The following CHRM1 variants were observed in gnomAD, a reference collection of about 807,000 sequenced individuals.
The protein encoded by CHRM1 is muscarinic acetylcholine receptor M1.
A neutral mutation model predicts 31.6 loss-of-function variants in CHRM1; 5 were observed. That is an observed-to-expected ratio of 0.16 (90% CI 0.08 to 0.33). The LOEUF (loss-of-function observed/expected upper bound fraction) is 0.33. CHRM1 is among the 10% of genes least tolerant of loss of function. The probability of loss-of-function intolerance (pLI) is 1.00; values close to 1 mark genes in which losing one functional copy is unlikely to be tolerated. For missense variants in CHRM1, 338 were observed against 610.3 expected, an observed-to-expected ratio of 0.55 and a Z score of 4.70; for synonymous variants, 227 against 249.7, an observed-to-expected ratio of 0.91 and a Z score of 0.86.
intron 1 of CHRM1, chr11:62,916,939 C>T (rs908368869): frequency 5.9e-5 from 9 of 152,218 alleles, no homozygotes; most frequent in African/African-American, 2.2e-4. Flanking sequence ...ATTCTTGCCA[C>T]CGTCTAGATC....
At position 62,910,148 on chromosome 11, in the gene CHRM1, G is replaced by A; in HGVS notation, c.953C>T (p.Pro318Leu). 6.2e-7 allele frequency: 1 copy of A among 1,606,874 alleles called. No individual in the cohort carries two copies. Among genetic ancestry groups the A allele is most frequent in the Non-Finnish European group, 8.5e-7 (1 of 1,176,514 alleles). The change falls in exon 2 of 2, where the codon CCC becomes CTC. Residue 318 changes from proline (P) to leucine (L), a missense_variant. Physicochemically the swap from Pro to Leu is moderately conservative, Grantham distance 98. Coordinates refer to ENST00000306960, the MANE Select transcript of CHRM1 (RefSeq NM_000738.3). The surrounding 1 kb of genome is among the most constrained non-coding windows in gnomAD (Gnocchi z 8.7). Reference protein sequence around the residue: ...DPEAQAPTKQPPRSSPNTVKR... With the variant: ...DPEAQAPTKQLPRSSPNTVKR... ...GACTGTATTTGGGGAGCTCCGTGGG[G>A]GCTGCTTGGTGGGGGCCTGTGCCTC...
At chr11:62,911,968 G>T (rs2085873326) in intron 1 of CHRM1, among the ~76,000 whole-genome samples, 2 of 152,090 alleles carry the variant, frequency 1.3e-5, no homozygotes, top group African/African-American at 2.4e-5. Flanking sequence ...TTCTGCGCAT[G>T]CGGGTTTACA....
intron 1 of CHRM1, among the ~76,000 whole-genome samples, chr11:62,913,080 A>G (rs2085880608): frequency 6.7e-6 from 1 of 149,034 alleles, no homozygotes; most frequent in Non-Finnish European, 1.5e-5. Context: ...GACAGTTTGC[A>G]CATGAGGGGG....
At position 62,910,332 on chromosome 11, in the gene CHRM1, C is replaced by A. The variant is rs770290851; in HGVS notation, c.769G>T (p.Gly257Cys). 2.5e-6 allele frequency: 4 copies of A among 1,610,380 alleles called. No homozygotes were observed. In the Admixed American group the frequency reaches 6.7e-5, roughly 27 times the overall value. ...GAEGSPETPP[G>C]RCCRCCRAPR... ...GCCCGGCAGCAGCGACAGCAGCGGC[C>A]TGGAGGAGTCTCTGGTGAGCCCTCA... Residue 257 changes from glycine to cysteine, a missense_variant, in exon 2 of 2, where the codon GGC becomes TGC. Transcript: ENST00000306960. The surrounding 1 kb of genome is among the most constrained non-coding windows in gnomAD (Gnocchi z 8.7).
chr11:62,910,542 T>C lies in CHRM1; in HGVS notation c.559A>G (p.Ile187Val). The C allele has an allele frequency of 6.2e-7, 1 of 1,614,176 alleles. No homozygotes were observed. The highest frequency in any genetic ancestry group is 1.6e-4 in the Middle Eastern group (1 of 6,062). Residue 187 changes from isoleucine to valine, a missense_variant, in exon 2 of 2, where the codon ATC (isoleucine) becomes GTC (valine). By Grantham distance (29) the Ile-to-Val change is conservative (BLOSUM62 3). Transcript: ENST00000306960. The surrounding 1 kb of genome is among the most constrained non-coding windows in gnomAD (Gnocchi z 8.7). ...QCYIQFLSQP[I>V]ITFGTAMAAF... Reference sequence around the variant, plus strand: ...GCCATGGCTGTGCCAAAGGTGATGATGGGCTGGGAGAGGAACTGGATGTAG... The same window carrying C: ...GCCATGGCTGTGCCAAAGGTGATGACGGGCTGGGAGAGGAACTGGATGTAG...
chr11:62,912,470 G>A (rs188921158), intron 1 of CHRM1, among the ~76,000 whole-genome samples: 5 of 152,090 alleles, frequency 3.3e-5, no homozygotes, highest in Non-Finnish European at 5.9e-5. Flanking sequence ...GGGGGTCTGG[G>A]CCCATGGGGT....
chr11:62,916,614 G>A (rs1163774624), intron 1 of CHRM1, among the ~76,000 whole-genome samples: 4 of 152,186 alleles, frequency 2.6e-5, no homozygotes, highest in Non-Finnish European at 5.9e-5. Flanking sequence ...CATAATTAAT[G>A]CCTCCTGGAT....
chr11:62,913,011 T>C (rs1300338645), intron 1 of CHRM1, among the ~76,000 whole-genome samples: 2 of 151,938 alleles, frequency 1.3e-5, no homozygotes, highest in Non-Finnish European at 2.9e-5. Flanking sequence ...GCGTGGCGAG[T>C]TCAGTGGGGG....
In CHRM1 at chr11:62,917,481, G is replaced by T. The variant is rs372687190; in HGVS notation, c.-79+3737C>A. On this transcript the variant is annotated intron_variant, in intron 1 of 1. Transcript: ENST00000306960. ...TCCTTGGCACTGCCTCTGCCTAGCT[G>T]CCAGCTCTTGTCTTGCTATGTGACC... 1.2e-4 allele frequency among the ~76,000 whole-genome samples: 19 copies of T among 152,296 alleles called. No individual in the cohort carries two copies. The East Asian group carries it at 3.7e-3, about 29-fold the overall frequency.
At chr11:62,914,640 T>C (rs1408675212) in intron 1 of CHRM1, among the ~76,000 whole-genome samples, 3 of 152,202 alleles carry the variant, frequency 2.0e-5, no homozygotes, top group African/African-American at 7.2e-5. Flanking sequence ...AGGGAGCAGC[T>C]GAGGCCCAGA....
At chr11:62,917,731 G>C (rs1189024635) in intron 1 of CHRM1, among the ~76,000 whole-genome samples, 1 of 152,152 alleles carries the variant, frequency 6.6e-6, no homozygotes, top group Non-Finnish European at 1.5e-5. Context: ...GTGGCCTCCT[G>C]ATGAAGGCTG....
chr11:62,911,135 T>TCAGTGC lies in CHRM1; in HGVS notation c.-36_-35insGCACTG. On this transcript the variant is annotated 5_prime_UTR_variant, in exon 2 of 2. Transcript: ENST00000306960. ...GTGGGGCTGGGGTTGGAGAGCCCCTTCCTCCAGGCACGCTACAGGGCTTCC... is the reference window on the plus strand; with the variant it reads ...GTGGGGCTGGGGTTGGAGAGCCCCTTCAGTGCCCTCCAGGCACGCTACAGGGCTTCC... The TCAGTGC allele has an allele frequency of 2.5e-6, 4 of 1,596,628 alleles. No homozygotes were observed. The highest frequency in any genetic ancestry group is 3.4e-6 in the Non-Finnish European group (4 of 1,169,134).
intron 1 of CHRM1, among the ~76,000 whole-genome samples, chr11:62,913,362 C>A (rs563074580): frequency 6.6e-6 from 1 of 152,290 alleles, no homozygotes; most frequent in South Asian, 2.1e-4. Context: ...AATGAGGGTG[C>A]TAGGCTGCCT....
chr11:62,909,373 G>A lies in CHRM1; in HGVS notation c.*345C>T, dbSNP rs992985717. 3.5e-6 allele frequency: 1 copy of A among 284,252 alleles called. No homozygotes were observed. The highest frequency in any genetic ancestry group is 6.9e-5 in the East Asian group (1 of 14,522). The allele number at this position is 284,252 out of a possible 1,614,324, so 17.6% of individuals were successfully genotyped here. ...TGGGCCAAGGAATACTTAATGTTAA[G>A]CCTTCTTTCTCCTGGCCCGCCCTGC... On this transcript the variant is annotated 3_prime_UTR_variant, in exon 2 of 2. Coordinates refer to ENST00000306960, the MANE Select transcript of CHRM1 (RefSeq NM_000738.3).
chr11:62,916,782 G>A (rs2085902711), intron 1 of CHRM1: 1 of 152,322 alleles, frequency 6.6e-6, no homozygotes, highest in African/African-American at 2.4e-5. Flanking sequence ...GTGGGATTCT[G>A]ACCCGGACCT....
At chr11:62,915,837 T>C (rs2085897580) in intron 1 of CHRM1, among the ~76,000 whole-genome samples, 1 of 152,180 alleles carries the variant, frequency 6.6e-6, no homozygotes. Flanking sequence ...TGAGATGGAC[T>C]CTCACTCTGT....
rs199652952 is a variant in CHRM1 at position 62,911,020 on chromosome 11, G to A, written c.81C>T (p.Phe27=). 3.0e-5 allele frequency: 48 copies of A among 1,614,202 alleles called. No homozygotes were observed. The African/African-American group carries it at 5.6e-4, about 19-fold the overall frequency. ...ACAGGAGGCCCGTGGTGATCCCAATGAAGGCCACTTGCCAGGGACCCTTTC... is the reference window on the plus strand; with the variant it reads ...ACAGGAGGCCCGTGGTGATCCCAATAAAGGCCACTTGCCAGGGACCCTTTC... ...APGKGPWQVA[F]IGITTGLLSL... is the part of the protein sequence containing the mutation. The change falls in exon 2 of 2, where the codon TTC becomes TTT. Residue 27 remains phenylalanine (F), a synonymous_variant. Transcript: ENST00000306960.
Position 62,909,444 on chromosome 11 carries a change from C to G in CHRM1, c.*274G>C. ...AAAGGCAAACAAGGAGTCCAAAGCC[C>G]GGATCCTCCTCCCGGGCCTTCTTCC... On this transcript the variant is annotated 3_prime_UTR_variant, in exon 2 of 2. Coordinates refer to ENST00000306960, the MANE Select transcript of CHRM1 (RefSeq NM_000738.3). 2.0e-6 allele frequency: 1 copy of G among 495,818 alleles called. No homozygotes were observed. The highest frequency in any genetic ancestry group is 3.3e-5 in the East Asian group (1 of 30,034). The allele number at this position is 495,818 out of a possible 1,614,324, so 30.7% of individuals were successfully genotyped here. A position where few individuals can be genotyped will look rare whatever the true frequency, so the allele number is the denominator to read the frequency against.
intron 1 of CHRM1, chr11:62,918,403 G>A (rs893084510): frequency 1.3e-5 from 2 of 152,342 alleles, no homozygotes; most frequent in East Asian, 3.9e-4. Context: ...GAGCCTGAGG[G>A]TGAACCTGTG....
Sources: gnomAD v4.1 joint callset for allele counts (sites outside exome capture counted in the v4.1 genomes callset) on GRCh38, gnomAD v4.1.1 for gene constraint, Gnocchi (gnomAD v3.1) non-coding constraint, MANE v1.5 for transcripts, NCBI Gene and HGNC (gene_info 2026-07-23, HGNC 2026-07-21) for gene names.